Variants in SLC14A2 observed in about 807,000 individuals in gnomAD.
The protein encoded by SLC14A2 is urea transporter 2.
Under a neutral mutation model 104.6 loss-of-function variants are expected in SLC14A2, and 91 were observed. The ratio of observed to expected loss-of-function variants is 0.87; its 90% CI spans 0.73 to 1.04. The LOEUF is 1.04. SLC14A2 is among the 50% of genes least tolerant of loss of function. The pLI, the probability that SLC14A2 is intolerant of heterozygous loss-of-function variation, is 0.00. For missense variants in SLC14A2, 1,189 were observed against 1,156.0 expected (o/e 1.03, Z -0.41); for synonymous variants, 476 against 466.4 (o/e 1.02, Z -0.27).
At chr18:45,208,659 G>T (rs553008864), upstream of SLC14A2, among the ~76,000 whole-genome samples, 13 of 152,128 alleles carry the variant, frequency 8.5e-5, no homozygotes, top group Non-Finnish European at 1.8e-4. Context: ...AGAACCTAGA[G>T]AAAGAAAGAG....
At chr18:45,440,019 C>T (rs2086658178) in intron 1 of SLC14A2, among the ~76,000 whole-genome samples, 1 of 152,086 alleles carries the variant, frequency 6.6e-6, no homozygotes, top group South Asian at 2.1e-4. Context: ...GCATGAATTG[C>T]TCTGGCATTA....
chr18:45,663,307 T>C (rs1455415389), intron 10 of SLC14A2, among the ~76,000 whole-genome samples: 1 of 152,222 alleles, frequency 6.6e-6, no homozygotes, highest in East Asian at 1.9e-4. Flanking sequence ...AGCTGCATAT[T>C]GGAGCCATCT....
chr18:45,237,978 A>ATC (rs1290874169), intron 1 of SLC14A2, among the ~76,000 whole-genome samples: 4 of 152,206 alleles, frequency 2.6e-5, no homozygotes, highest in Non-Finnish European at 5.9e-5. Context: ...TATTAATGAC[A>ATC]TCTTTTATTT....
intron 1 of SLC14A2, among the ~76,000 whole-genome samples, chr18:45,284,741 AG>A (rs2084796824): frequency 6.6e-6 from 1 of 152,166 alleles, no homozygotes; most frequent in African/African-American, 2.4e-5. Flanking sequence ...AAAGGGCTGG[AG>A]GAGATGGTGA....
At chr18:45,444,495 T>A (rs2144591341) in intron 1 of SLC14A2, among the ~76,000 whole-genome samples, 1 of 152,284 alleles carries the variant, frequency 6.6e-6, no homozygotes, top group African/African-American at 2.4e-5. Flanking sequence ...AAATAGGTTT[T>A]CAGAAGGGGG....
chr18:45,422,515 G>C (rs866837940), intron 1 of SLC14A2, among the ~76,000 whole-genome samples: 23 of 152,130 alleles, frequency 1.5e-4, no homozygotes, highest in Admixed American at 5.2e-4. Context: ...AGGTGGAAGG[G>C]GAGGCGTGGA....
intron 2 of SLC14A2, among the ~76,000 whole-genome samples, chr18:45,509,848 G>C (rs1054063712): frequency 6.6e-6 from 1 of 152,200 alleles, no homozygotes; most frequent in Non-Finnish European, 1.5e-5. Flanking sequence ...GAGTTCTGTA[G>C]GTCACGGACT....
At chr18:45,185,995 T>C in the SLC14A2 span, among the ~76,000 whole-genome samples, 1 of 152,222 alleles carries the variant, frequency 6.6e-6, no homozygotes, top group Admixed American at 6.5e-5. Flanking sequence ...TGGAGCAGTA[T>C]GCATTGTTTA....
chr18:45,185,810 A>G, the SLC14A2 span, among the ~76,000 whole-genome samples: 14,052 of 152,256 alleles, frequency 0.092, 670 homozygotes, highest in East Asian at 0.14. Context: ...TTAACAATTA[A>G]TATACAAAAA....
At chr18:45,433,618 C>A (rs565262664) in intron 1 of SLC14A2, among the ~76,000 whole-genome samples, 9 of 152,302 alleles carry the variant, frequency 5.9e-5, no homozygotes, top group South Asian at 4.1e-4. Flanking sequence ...ACACAATATC[C>A]AGCCATGATA....
intron 1 of SLC14A2, among the ~76,000 whole-genome samples, chr18:45,413,117 A>C (rs1295831026): frequency 1.3e-5 from 2 of 152,200 alleles, no homozygotes; most frequent in African/African-American, 2.4e-5. Context: ...CATCCGAAAG[A>C]AGCTTATGGT....
intron 1 of SLC14A2, among the ~76,000 whole-genome samples, chr18:45,347,785 C>T (rs190113912): frequency 6.6e-6 from 1 of 152,232 alleles, no homozygotes; most frequent in African/African-American, 2.4e-5. Context: ...GTATAAACTT[C>T]CATGTTGCCA....
At chr18:45,249,779 G>T (rs1214934901) in intron 1 of SLC14A2, among the ~76,000 whole-genome samples, 1 of 152,048 alleles carries the variant, frequency 6.6e-6, no homozygotes, top group African/African-American at 2.4e-5. Flanking sequence ...GCAAGGCTCT[G>T]TCTCTACTAA....
chr18:45,351,345 T>C (rs1046700231), intron 1 of SLC14A2, among the ~76,000 whole-genome samples: 17 of 152,162 alleles, frequency 1.1e-4, no homozygotes, highest in African/African-American at 3.9e-4. Context: ...ATTCCACTTA[T>C]GCACCGTTTT....
At chr18:45,342,257 C>T (rs2085403522) in intron 1 of SLC14A2, among the ~76,000 whole-genome samples, 1 of 152,166 alleles carries the variant, frequency 6.6e-6, no homozygotes, top group Non-Finnish European at 1.5e-5. Flanking sequence ...CAGCTCTGAA[C>T]AGTTTCTGAC....
chr18:45,508,382 G>A (rs907902202), intron 2 of SLC14A2, among the ~76,000 whole-genome samples: 1 of 151,974 alleles, frequency 6.6e-6, no homozygotes, highest in African/African-American at 2.4e-5. Context: ...CTGTTCTTGT[G>A]ATAGTGAATA....
intron 1 of SLC14A2, among the ~76,000 whole-genome samples, chr18:45,238,112 A>G (rs1172075236): frequency 6.6e-6 from 1 of 152,200 alleles, no homozygotes; most frequent in Admixed American, 6.5e-5. Context: ...AAGCTCAGTA[A>G]CTTCCTAAAA....
At chr18:45,409,057 G>T (rs2086186401) in intron 1 of SLC14A2, among the ~76,000 whole-genome samples, 1 of 152,122 alleles carries the variant, frequency 6.6e-6, no homozygotes. Flanking sequence ...TCAAACATTT[G>T]TCTGAGAGCT....
the SLC14A2 span, among the ~76,000 whole-genome samples, chr18:45,207,914 C>T: frequency 6.6e-6 from 1 of 152,094 alleles, no homozygotes. Context: ...CCCACAGTAA[C>T]CCTATGAGTT....
Sources: allele counts gnomAD v4.1 joint callset (sites outside exome capture counted in the v4.1 genomes callset), GRCh38; gene constraint gnomAD v4.1.1; transcripts MANE v1.5; gene names NCBI Gene and HGNC (gene_info 2026-07-23, HGNC 2026-07-21).